LTBP1: variants seen among roughly 807,000 people sequenced by gnomAD.
LTBP1 encodes the protein latent-transforming growth factor beta-binding protein 1.
LTBP1 carries 129 observed loss-of-function variants against 207.6 expected under a neutral mutation model. That is an observed-to-expected ratio of 0.62 (90% CI 0.54 to 0.72). The LOEUF (loss-of-function observed/expected upper bound fraction) is 0.72. Among genes scored for constraint, LTBP1 ranks in the 30% least tolerant of loss-of-function variants. LTBP1 has a pLI of 0.00. For missense variants in LTBP1, 2,281 were observed against 2,217.2 expected, an observed-to-expected ratio of 1.03 and a Z score of -0.58; for synonymous variants, 963 against 833.7, an observed-to-expected ratio of 1.16 and a Z score of -2.67.
At chr2:33,116,193 G>T (rs895971072) in intron 4 of LTBP1, among the ~76,000 whole-genome samples, 1 of 152,182 alleles carries the variant, frequency 6.6e-6, no homozygotes, top group African/African-American at 2.4e-5. Context: ...TTAAGCATTT[G>T]CCTCCTTAGT....
chr2:33,139,186 T>C (rs2082429010), intron 5 of LTBP1, among the ~76,000 whole-genome samples: 1 of 152,200 alleles, frequency 6.6e-6, no homozygotes, highest in Non-Finnish European at 1.5e-5. Context: ...CATTATTTCA[T>C]TTGATGCTTA....
chr2:33,009,185 G>A (rs545842807), intron 2 of LTBP1, among the ~76,000 whole-genome samples: 3 of 152,176 alleles, frequency 2.0e-5, no homozygotes, highest in East Asian at 1.9e-4. Context: ...AAGGGTTTGC[G>A]GGGAGGTGGT....
intron 5 of LTBP1, among the ~76,000 whole-genome samples, chr2:33,171,529 G>C (rs2085453253): frequency 1.3e-5 from 2 of 151,248 alleles, no homozygotes; most frequent in South Asian, 4.2e-4. Flanking sequence ...ATCTACGTCT[G>C]ATTGGTGTAC....
chr2:32,948,734 T>A, intron 1 of LTBP1, 141 bp from the exon 2 acceptor site: 1 of 764,396 alleles, frequency 1.3e-6, no homozygotes, highest in Admixed American at 2.1e-5. Context: ...GGGTTGGGCA[T>A]CCAGGGTACC....
At chr2:33,052,924 G>A (rs921442597) in intron 3 of LTBP1, among the ~76,000 whole-genome samples, 1 of 151,688 alleles carries the variant, frequency 6.6e-6, no homozygotes, top group African/African-American at 2.4e-5. Flanking sequence ...ACCCAGGCTG[G>A]AGTGCAGTGG....
chr2:33,181,369 A>G (rs1485687851), intron 5 of LTBP1, among the ~76,000 whole-genome samples: 1 of 152,230 alleles, frequency 6.6e-6, no homozygotes, highest in Non-Finnish European at 1.5e-5. Context: ...TGTCAGCCCA[A>G]TTACTTGAGT....
intron 7 of LTBP1, among the ~76,000 whole-genome samples, chr2:33,216,840 G>A (rs2090748104): frequency 6.6e-6 from 1 of 152,160 alleles, no homozygotes; most frequent in South Asian, 2.1e-4. Context: ...CACTTCCTGT[G>A]GTTGACCAGG....
chr2:33,021,332 T>C (rs2075155933), intron 3 of LTBP1, 126 bp downstream of exon 3: 6 of 941,122 alleles, frequency 6.4e-6, no homozygotes, highest in Non-Finnish European at 9.3e-6. Flanking sequence ...TGTTTTTCTT[T>C]CCTTTCTTAA....
chr2:32,948,642 C>A (rs1676640654), intron 1 of LTBP1, among the ~76,000 whole-genome samples: 1 of 152,170 alleles, frequency 6.6e-6, no homozygotes, highest in Non-Finnish European at 1.5e-5. Flanking sequence ...TCCTGTATAG[C>A]CCTAGGTTTA....
At chr2:32,986,020 A>G (rs530070783) in intron 2 of LTBP1, among the ~76,000 whole-genome samples, 26 of 152,320 alleles carry the variant, frequency 1.7e-4, no homozygotes, top group Non-Finnish European at 2.6e-4. Context: ...AATTGCAAGT[A>G]CAAAAAATGT....
intron 3 of LTBP1, among the ~76,000 whole-genome samples, chr2:33,079,438 G>A (rs556279963): frequency 7.9e-5 from 12 of 152,234 alleles, no homozygotes; most frequent in East Asian, 3.9e-4. Flanking sequence ...TGATCATAGA[G>A]CTTAAAGAGC....
intron 13 of LTBP1, among the ~76,000 whole-genome samples, chr2:33,262,171 A>G (rs1396405033): frequency 6.6e-6 from 1 of 152,234 alleles, no homozygotes; most frequent in Admixed American, 6.5e-5. Flanking sequence ...CTGCCTGGCT[A>G]CCACTGTTCA....
At chr2:33,345,127 C>T (rs1197607533) in intron 25 of LTBP1, among the ~76,000 whole-genome samples, 1 of 152,214 alleles carries the variant, frequency 6.6e-6, no homozygotes, top group Non-Finnish European at 1.5e-5. Flanking sequence ...TGTAGAGCTA[C>T]AGGGATGAGT....
intron 19 of LTBP1, among the ~76,000 whole-genome samples, chr2:33,288,328 G>C (rs1573635402): frequency 6.6e-6 from 1 of 152,102 alleles, no homozygotes; most frequent in Non-Finnish European, 1.5e-5. Context: ...TACATGGTGG[G>C]CTGTGCCCAC....
chr2:33,394,623 G>A (rs184943415), intron 32 of LTBP1, among the ~76,000 whole-genome samples: 4 of 152,234 alleles, frequency 2.6e-5, no homozygotes, highest in Admixed American at 2.0e-4. Context: ...GTAGATGTGT[G>A]GTATTATTTC....
intron 13 of LTBP1, among the ~76,000 whole-genome samples, chr2:33,261,459 CAAGTT>C (rs556860437): frequency 1.1e-3 from 160 of 152,106 alleles, no homozygotes; most frequent in Middle Eastern, 3.4e-3. Context: ...TAGGTCTACT[CAAGTT>C]AAGAAGAAAG....
At chr2:33,276,229 G>T (rs987787566) in intron 18 of LTBP1, among the ~76,000 whole-genome samples, 3 of 152,128 alleles carry the variant, frequency 2.0e-5, no homozygotes, top group Admixed American at 1.3e-4. Flanking sequence ...TACAGAGTCC[G>T]GACCATTCAT....
Position 33,182,725 on chromosome 2 carries a change from CACACACACACAGACATAT to C in LTBP1, c.1202-4129_1202-4112del, listed in dbSNP as rs1313746631. Reference sequence around the variant, plus strand: ...ACACACACACACACACACACACACACACACACACACAGACATATATATGTATGTATGTGTACACATACA... The same window carrying C: ...ACACACACACACACACACACACACACATATGTATGTATGTGTACACATACA... On this transcript the variant is annotated intron_variant, in intron 5 of 33. Coordinates refer to ENST00000404816, the MANE Select transcript of LTBP1 (RefSeq NM_206943.4). 3.0e-4 allele frequency among the ~76,000 whole-genome samples: 28 copies of C among 94,450 alleles called. 4 individuals are homozygous for C. Among genetic ancestry groups the C allele is most frequent in the African/African-American group, 1.3e-3 (28 of 21,654 alleles). The allele number at this position is 94,450 out of a possible 152,430, so 62.0% of individuals were successfully genotyped here.
At chr2:33,164,353 A>G (rs575746862) in intron 5 of LTBP1, among the ~76,000 whole-genome samples, 2,193 of 102,848 alleles carry the variant, frequency 0.021, 20 homozygotes, top group Non-Finnish European at 0.03. Flanking sequence ...TCCTCTCAGG[A>G]AAAAAAAAAA....
Sources: gnomAD v4.1 joint callset for allele counts (sites outside exome capture counted in the v4.1 genomes callset) on GRCh38, gnomAD v4.1.1 for gene constraint, MANE v1.5 for transcripts, NCBI Gene and HGNC (gene_info 2026-07-23, HGNC 2026-07-21) for gene names.